The following GSN variants were observed in gnomAD, a reference collection of about 807,000 sequenced individuals.
The protein encoded by GSN is gelsolin.
In GSN, 56 loss-of-function variants were observed where a neutral mutation model predicts 85.7. The ratio of observed to expected loss-of-function variants is 0.65; its 90% CI spans 0.53 to 0.82. The LOEUF is 0.82. Among genes scored for constraint, GSN ranks in the 40% least tolerant of loss-of-function variants. GSN has a pLI of 0.00. For synonymous variants in GSN, 373 were observed against 399.1 expected, an observed-to-expected ratio of 0.93 and a Z score of 0.78; for missense variants, 857 against 979.8, an observed-to-expected ratio of 0.87 and a Z score of 1.67.
At position 121,326,587 on chromosome 9, in the gene GSN, G is replaced by T. The variant is rs779561679; in HGVS notation, c.1492G>T (p.Gly498Cys). ...FGGKPMIIYK[G>C]GTSREGGQTA... ...TGGGAAGCCCATGATCATCTACAAG[G>T]GCGGCACCTCCCGCGAGGGCGGGCA... The change falls in exon 13 of 18, where the codon GGC (glycine) becomes TGC (cysteine). Residue 498 changes from glycine (G) to cysteine (C), a missense_variant. Transcript: ENST00000432226. 2.5e-6 allele frequency: 4 copies of T among 1,613,436 alleles called. No individual in the cohort carries two copies. The African/African-American group carries it at 4.0e-5, about 16-fold the overall frequency.
At chr9:121,262,657 G>A (rs1308408318) in intron 6 of GSN, among the ~76,000 whole-genome samples, 4 of 152,166 alleles carry the variant, frequency 2.6e-5, no homozygotes, top group Non-Finnish European at 5.9e-5. Context: ...CATCTTACTG[G>A]CATTTATTGG....
chr9:121,281,781 C>T (rs141060811), intron 2 of GSN: 208 of 471,114 alleles, frequency 4.4e-4, no homozygotes, highest in African/African-American at 3.6e-3. Context: ...GGGAGGAGGC[C>T]GGGACTGGGC....
chr9:121,222,557 A>G (rs1046941624), intron 4 of GSN, among the ~76,000 whole-genome samples: 6 of 152,188 alleles, frequency 3.9e-5, no homozygotes, highest in Non-Finnish European at 7.3e-5. Context: ...ACATTTATTT[A>G]TTGTACATTT....
chr9:121,326,125 T>C (rs1465322385), intron 12 of GSN, among the ~76,000 whole-genome samples: 1 of 149,602 alleles, frequency 6.7e-6, no homozygotes, highest in Non-Finnish European at 1.5e-5. Flanking sequence ...GAATGCTCTG[T>C]TCTTACCACT....
chr9:121,235,263 G>A (rs550783938), intron 5 of GSN, among the ~76,000 whole-genome samples: 14 of 152,330 alleles, frequency 9.2e-5, no homozygotes, highest in East Asian at 3.9e-4. Context: ...ATCTCAAGAC[G>A]TGAGCTTGTC....
At chr9:121,295,263 T>G (rs1488526994) in intron 2 of GSN, among the ~76,000 whole-genome samples, 1 of 152,210 alleles carries the variant, frequency 6.6e-6, no homozygotes, top group Non-Finnish European at 1.5e-5. Flanking sequence ...CGCAAACCTG[T>G]CCACAGGGCT....
chr9:121,252,438 T>C (rs150892066), intron 6 of GSN, among the ~76,000 whole-genome samples: 1 of 152,346 alleles, frequency 6.6e-6, no homozygotes, highest in East Asian at 1.9e-4. Context: ...TCAAAAGATC[T>C]TGAATGCTAC....
Position 121,327,360 on chromosome 9 carries a change from C to T in GSN, c.1640C>T (p.Thr547Ile), listed in dbSNP as rs376326631. 1.9e-6 allele frequency: 3 copies of T among 1,613,912 alleles called. No individual in the cohort carries two copies. In the East Asian group the frequency reaches 6.7e-5, roughly 36 times the overall value. Residue 547 changes from threonine (T) to isoleucine (I), a missense_variant, in exon 14 of 18, where the codon ACC becomes ATC. Transcript: ENST00000432226. ...TCCAACGATGCCTTTGTTCTGAAAACCCCCTCAGCCGCCTACCTGTGGGTG... is the reference window on the plus strand; with the variant it reads ...TCCAACGATGCCTTTGTTCTGAAAATCCCCTCAGCCGCCTACCTGTGGGTG... ...LNSNDAFVLK[T>I]PSAAYLWVGT... is the part of the protein sequence containing the mutation.
chr9:121,300,493 C>T (rs2059717824), intron 2 of GSN, among the ~76,000 whole-genome samples: 1 of 152,028 alleles, frequency 6.6e-6, no homozygotes, highest in Admixed American at 6.6e-5. Flanking sequence ...TGTCTGGTTT[C>T]GTGTTTTTCC....
chr9:121,253,311 C>T (rs1187973804), intron 6 of GSN, among the ~76,000 whole-genome samples: 6 of 152,194 alleles, frequency 3.9e-5, no homozygotes, highest in African/African-American at 1.4e-4. Flanking sequence ...CAGACAACTG[C>T]CATCCAGATT....
chr9:121,282,088 A>C (rs1338056736), intron 2 of GSN: 5 of 465,992 alleles, frequency 1.1e-5, no homozygotes, highest in Non-Finnish European at 2.2e-5. Context: ...GGCCCACCTG[A>C]CTATCAGATT....
rs545563336 is a variant in GSN at position 121,319,199 on chromosome 9, C to G, written c.1191+319C>G. 5.3e-5 allele frequency among the ~76,000 whole-genome samples: 8 copies of G among 152,278 alleles called. No homozygotes were observed. The South Asian group carries it at 1.7e-3, about 32-fold the overall frequency. Reference sequence around the variant, plus strand: ...ACAGGAAGCAGTGGGGGTGGTTGGTCAGGGCAGCCTGCACAGAGATGGGAA... The same window carrying G: ...ACAGGAAGCAGTGGGGGTGGTTGGTGAGGGCAGCCTGCACAGAGATGGGAA... On this transcript the variant is annotated intron_variant, in intron 10 of 17. Coordinates refer to ENST00000432226, the MANE Select transcript of GSN (RefSeq NM_198252.3).
intron 4 of GSN, among the ~76,000 whole-genome samples, chr9:121,304,334 G>C (rs778142683): frequency 6.6e-6 from 1 of 152,240 alleles, no homozygotes; most frequent in Non-Finnish European, 1.5e-5. Context: ...TCCTGCTGAG[G>C]TGTCCAGCTC....
intron 2 of GSN, chr9:121,300,051 G>A: frequency 6.2e-7 from 1 of 1,601,762 alleles, no homozygotes; most frequent in Non-Finnish European, 8.5e-7. Context: ...ACTCTCTATT[G>A]TAAGTTCTTG....
chr9:121,275,353 C>T (rs1207351410), intron 1 of GSN, among the ~76,000 whole-genome samples: 1 of 152,170 alleles, frequency 6.6e-6, no homozygotes, highest in Non-Finnish European at 1.5e-5. Context: ...CAGAATTCTA[C>T]AAAGTACCTA....
intron 5 of GSN, among the ~76,000 whole-genome samples, chr9:121,234,706 G>C (rs182355316): frequency 6.6e-6 from 1 of 152,286 alleles, no homozygotes; most frequent in Non-Finnish European, 1.5e-5. Context: ...ATGTAGGGTT[G>C]GGCATGGTGC....
chr9:121,230,967 C>T (rs1485300309), intron 4 of GSN, among the ~76,000 whole-genome samples: 3 of 152,212 alleles, frequency 2.0e-5, no homozygotes, highest in Non-Finnish European at 4.4e-5. Flanking sequence ...TCACTGCAAA[C>T]TTCACAGCAT....
At chr9:121,243,330 A>G (rs1218128254) in intron 5 of GSN, among the ~76,000 whole-genome samples, 2 of 152,182 alleles carry the variant, frequency 1.3e-5, no homozygotes, top group Non-Finnish European at 2.9e-5. Context: ...ACTTACGATT[A>G]CATTTAGAGA....
intron 2 of GSN, among the ~76,000 whole-genome samples, chr9:121,287,709 AGCTTT>A (rs981389374): frequency 2.0e-5 from 3 of 151,610 alleles, no homozygotes; most frequent in Non-Finnish European, 4.4e-5. Context: ...TTTTAAAAAC[AGCTTT>A]ATTGAAATAT....
Sources: gnomAD v4.1 joint callset for allele counts (sites outside exome capture counted in the v4.1 genomes callset) on GRCh38, gnomAD v4.1.1 for gene constraint, MANE v1.5 for transcripts, NCBI Gene and HGNC (gene_info 2026-07-23, HGNC 2026-07-21) for gene names.